SMYD3: variants seen among roughly 807,000 people sequenced by gnomAD.
SMYD3 encodes histone-lysine N-methyltransferase SMYD3.
SMYD3 carries 36 observed loss-of-function variants against 57.7 expected under a neutral mutation model. The ratio of observed to expected loss-of-function variants is 0.62; its 90% confidence interval spans 0.48 to 0.82. The LOEUF is 0.82. Ranked by LOEUF, SMYD3 falls within the 40% of genes least tolerant of loss-of-function variation. The probability of loss-of-function intolerance (pLI) is 0.00; values close to 1 mark genes in which losing one functional copy is unlikely to be tolerated. For missense variants in SMYD3, 515 were observed against 538.8 expected (o/e 0.96, Z 0.44); for synonymous variants, 211 against 195.0 (o/e 1.08, Z -0.68).
chr1:245,759,369 T>C (rs1314094518), intron 11 of SMYD3, among the ~76,000 whole-genome samples: 3 of 152,148 alleles, frequency 2.0e-5, no homozygotes, highest in Non-Finnish European at 2.9e-5. Flanking sequence ...GGAGGGCTTT[T>C]TAACCTAGGC....
chr1:246,262,666 C>G (rs1355788832), intron 5 of SMYD3, among the ~76,000 whole-genome samples: 1 of 152,052 alleles, frequency 6.6e-6, no homozygotes, highest in African/African-American at 2.4e-5. Context: ...TATAGCCGGT[C>G]TCTGACACCT....
chr1:246,143,904 A>G (rs1394437080), intron 5 of SMYD3, among the ~76,000 whole-genome samples: 1 of 152,208 alleles, frequency 6.6e-6, no homozygotes, highest in African/African-American at 2.4e-5. Context: ...TTTAATGCAG[A>G]AAAAGTAACT....
At chr1:245,863,703 A>G in intron 9 of SMYD3, 96 bp downstream of exon 9, 5 of 1,043,846 alleles carry the variant, frequency 4.8e-6, no homozygotes, top group Non-Finnish European at 7.3e-6. Context: ...GCTCATGGAG[A>G]GGTCAAACCC....
At chr1:246,093,206 G>A (rs1241885144) in intron 5 of SMYD3, among the ~76,000 whole-genome samples, 2 of 152,172 alleles carry the variant, frequency 1.3e-5, no homozygotes, top group African/African-American at 4.8e-5. Context: ...AAAACATTAT[G>A]AATGTTCAGT....
intron 5 of SMYD3, among the ~76,000 whole-genome samples, chr1:246,239,854 C>T (rs12073291): frequency 0.21 from 31,467 of 151,938 alleles, 3,967 homozygotes; most frequent in East Asian, 0.58. Flanking sequence ...ATGATGAGCA[C>T]TTTTTATGTG....
intron 5 of SMYD3, among the ~76,000 whole-genome samples, chr1:246,095,503 A>G (rs772198373): frequency 1.3e-5 from 2 of 152,188 alleles, no homozygotes; most frequent in Non-Finnish European, 2.9e-5. Flanking sequence ...AATCATGTCT[A>G]AAGGATTCAA....
chr1:246,341,070 AATTGC>A (rs2065626406), intron 2 of SMYD3, among the ~76,000 whole-genome samples: 4 of 152,226 alleles, frequency 2.6e-5, no homozygotes, highest in Admixed American at 2.6e-4. Context: ...TCCTAAAAGA[AATTGC>A]TATTTTTGTC....
At chr1:246,034,698 A>T (rs2059737759) in intron 5 of SMYD3, 1 of 155,698 alleles carries the variant, frequency 6.4e-6, no homozygotes, top group Non-Finnish European at 1.4e-5. Flanking sequence ...AGGCTGGGGC[A>T]AATAAGGGAA....
intron 10 of SMYD3, among the ~76,000 whole-genome samples, chr1:245,846,183 G>A (rs1031788723): frequency 6.6e-6 from 1 of 152,202 alleles, no homozygotes; most frequent in African/African-American, 2.4e-5. Context: ...TCCAGGAAGG[G>A]AAGGAAGGAG....
intron 5 of SMYD3, among the ~76,000 whole-genome samples, chr1:246,166,226 A>T (rs987520796): frequency 3.3e-5 from 5 of 152,176 alleles, no homozygotes; most frequent in Admixed American, 6.5e-5. Flanking sequence ...GTCTATACTG[A>T]ACGTGAAAAA....
At chr1:246,482,823 A>T (rs1001136320) in intron 1 of SMYD3, among the ~76,000 whole-genome samples, 6 of 152,226 alleles carry the variant, frequency 3.9e-5, no homozygotes, top group African/African-American at 1.4e-4. Flanking sequence ...AGTAGGGGAA[A>T]CGTCCAACAA....
At chr1:246,138,180 G>A (rs932668279) in intron 5 of SMYD3, among the ~76,000 whole-genome samples, 2 of 152,102 alleles carry the variant, frequency 1.3e-5, no homozygotes, top group South Asian at 2.1e-4. Context: ...CCGAGGCTGT[G>A]CACAGTCCTC....
chr1:246,333,683 G>A (rs537054484), intron 3 of SMYD3, among the ~76,000 whole-genome samples: 1 of 152,086 alleles, frequency 6.6e-6, no homozygotes, highest in African/African-American at 2.4e-5. Flanking sequence ...AGACCAGACT[G>A]GGAAACATGA....
At chr1:246,221,982 A>G (rs956921169) in intron 5 of SMYD3, among the ~76,000 whole-genome samples, 1 of 152,140 alleles carries the variant, frequency 6.6e-6, no homozygotes, top group East Asian at 1.9e-4. Flanking sequence ...CACAATTCAC[A>G]TAGGGTTGAA....
chr1:246,099,931 C>A (rs2060979661), intron 5 of SMYD3, among the ~76,000 whole-genome samples: 2 of 152,138 alleles, frequency 1.3e-5, no homozygotes. Context: ...GTTCTCCGTG[C>A]CAAAGGAAAA....
At chr1:245,999,438 A>C (rs1347587292) in intron 5 of SMYD3, among the ~76,000 whole-genome samples, 1 of 152,154 alleles carries the variant, frequency 6.6e-6, no homozygotes, top group Non-Finnish European at 1.5e-5. Flanking sequence ...TTTTAAAGTT[A>C]ATAATTCTGA....
chr1:246,020,933 C>T (rs2059460092), intron 5 of SMYD3, among the ~76,000 whole-genome samples: 1 of 152,178 alleles, frequency 6.6e-6, no homozygotes. Flanking sequence ...CTTCTTAAGG[C>T]CTACCTGCAT....
chr1:246,410,025 A>T (rs1253894856), intron 1 of SMYD3, among the ~76,000 whole-genome samples: 1 of 152,146 alleles, frequency 6.6e-6, no homozygotes, highest in Non-Finnish European at 1.5e-5. Context: ...TTGATTTTGT[A>T]TCCTGAGACT....
chr1:245,985,991 G>A (rs1323259008), intron 5 of SMYD3, among the ~76,000 whole-genome samples: 1 of 152,018 alleles, frequency 6.6e-6, no homozygotes, highest in African/African-American at 2.4e-5. Flanking sequence ...CTCAAAATAG[G>A]AGCCCTACTA....
Sources: gnomAD v4.1 joint callset for allele counts (sites outside exome capture counted in the v4.1 genomes callset) on GRCh38, gnomAD v4.1.1 for gene constraint, MANE v1.5 for transcripts, NCBI Gene and HGNC (gene_info 2026-07-23, HGNC 2026-07-21) for gene names.